The following PIAS2 variants were observed in gnomAD, a reference collection of about 807,000 sequenced individuals.
PIAS2 encodes E3 SUMO-protein ligase PIAS2.
Under a neutral mutation model 69.7 loss-of-function variants are expected in PIAS2, and 19 were observed. That is an observed-to-expected ratio of 0.27 (90% CI 0.19 to 0.40). The LOEUF is 0.40. Ranked by LOEUF, PIAS2 falls within the 10% of genes least tolerant of loss-of-function variation. The pLI, the probability that PIAS2 is intolerant of heterozygous loss-of-function variation, is 1.00. For synonymous variants in PIAS2, 261 were observed against 263.2 expected (o/e 0.99, Z 0.08); for missense variants, 624 against 757.0 (o/e 0.82, Z 2.06).
intron 12 of PIAS2, chr18:46,815,962 G>C (rs374229173): frequency 2.0e-6 from 2 of 985,154 alleles, no homozygotes; most frequent in Non-Finnish European, 2.4e-6. Flanking sequence ...TGTCCAATTC[G>C]ATTTTAGAAA....
At position 46,807,373 on chromosome 18, in the gene PIAS2, ATATATATATATTTTTTTTTTT is replaced by A. The variant is rs1199102412; in HGVS notation, c.*5039_*5059del. The A allele has an allele frequency of 3.8e-5, 1 of 26,036 alleles. No individual in the cohort carries two copies. The highest frequency in any genetic ancestry group is 7.5e-5 in the Non-Finnish European group (1 of 13,314). 1.6% of individuals were successfully genotyped at this position (26,036 alleles called of 1,614,324 possible). A position where few individuals can be genotyped will look rare whatever the true frequency, so the allele number is the denominator to read the frequency against. ...TCAGATTTTATATATATATATATAT[ATATATATATATTTTTTTTTTT>A]TTTTTTTTTTTTTTTTAGAGAGTCT... On this transcript the variant is annotated 3_prime_UTR_variant, in exon 14 of 14. Transcript: ENST00000585916.
chr18:46,919,007 A>G (rs547002273), upstream of PIAS2, among the ~76,000 whole-genome samples: 6,944 of 143,232 alleles, frequency 0.048, 185 homozygotes, highest in Non-Finnish European at 0.065. Context: ...ATATATATAT[A>G]TGTGTGTGTG....
intron 1 of PIAS2, chr18:46,905,731 C>T (rs780256738): frequency 6.6e-6 from 1 of 152,080 alleles, no homozygotes; most frequent in Non-Finnish European, 1.5e-5. Flanking sequence ...GTATGAACTA[C>T]TAAAACAGGT....
At position 46,807,381 on chromosome 18, in the gene PIAS2, ATATTTTTTTTT is replaced by A. The variant is rs1204280353; in HGVS notation, c.*5041_*5051del. On this transcript the variant is annotated 3_prime_UTR_variant, in exon 14 of 14. Transcript: ENST00000585916. ...TATATATATATATATATATATATATATATTTTTTTTTTTTTTTTTTTTTTTTTTTAGAGAGT... is the reference window on the plus strand; with the variant it reads ...TATATATATATATATATATATATATATTTTTTTTTTTTTTTTTTAGAGAGT... The A allele has an allele frequency of 0.02, 396 of 19,770 alleles. 2 individuals are homozygous for A. The highest frequency in any genetic ancestry group is 0.028 in the Non-Finnish European group (336 of 12,040). 1.2% of individuals were successfully genotyped at this position (19,770 alleles called of 1,614,324 possible).
At chr18:46,840,853 G>A (rs1333400550) in intron 8 of PIAS2, among the ~76,000 whole-genome samples, 1 of 151,978 alleles carries the variant, frequency 6.6e-6, no homozygotes, top group Non-Finnish European at 1.5e-5. Flanking sequence ...CCTATAAAAT[G>A]TTAAGCTGGC....
At chr18:46,855,197 C>T (rs2047561834) in intron 5 of PIAS2, 148 bp downstream of exon 5, 1 of 478,072 alleles carries the variant, frequency 2.1e-6, no homozygotes, top group East Asian at 3.1e-5. Flanking sequence ...ATCCAAGAAG[C>T]CATGGGTTAC....
chr18:46,890,915 A>G lies in PIAS2; in HGVS notation c.164T>C (p.Ile55Thr). 6.2e-7 allele frequency: 1 copy of G among 1,614,214 alleles called. No homozygotes were observed. The highest frequency in any genetic ancestry group is 8.5e-7 in the Non-Finnish European group (1 of 1,180,038). ...LKSGCSPAVQ[I>T]KIRELYRRRY... is the part of the protein sequence containing the mutation. ...GCGTCTATACAATTCTCGGATTTTA[A>G]TCTGAACCGCAGGGCTGCAGCCGCT... The change falls in exon 2 of 14, where the codon ATT becomes ACT. Residue 55 changes from isoleucine to threonine, a missense_variant. By Grantham distance (89) the Ile-to-Thr change is moderately conservative. Coordinates refer to ENST00000585916, the MANE Select transcript of PIAS2 (RefSeq NM_004671.5).
At chr18:46,844,449 A>G (rs2045879686) in intron 7 of PIAS2, among the ~76,000 whole-genome samples, 1 of 152,170 alleles carries the variant, frequency 6.6e-6, no homozygotes, top group South Asian at 2.1e-4. Context: ...TCCAACACAC[A>G]TTCATCACAG....
chr18:46,913,780 T>TCTC (rs2146329431), intron 1 of PIAS2, among the ~76,000 whole-genome samples: 1 of 152,316 alleles, frequency 6.6e-6, no homozygotes, highest in African/African-American at 2.4e-5. Context: ...CAACTCCTGC[T>TCTC]CTCCTCCATC....
intron 11 of PIAS2, among the ~76,000 whole-genome samples, chr18:46,821,304 T>A (rs1204524202): frequency 6.6e-6 from 1 of 152,168 alleles, no homozygotes; most frequent in African/African-American, 2.4e-5. Context: ...CAAGTTGACA[T>A]TCAAACACAA....
chr18:46,909,008 C>CA (rs1446410221), intron 1 of PIAS2, among the ~76,000 whole-genome samples: 17 of 151,698 alleles, frequency 1.1e-4, no homozygotes, highest in Non-Finnish European at 1.6e-4. Context: ...GACTCCATCT[C>CA]AAAAAATAAA....
rs181201744 is a variant in PIAS2 at position 46,886,865 on chromosome 18, C to T, written c.499+3715G>A. On this transcript the variant is annotated intron_variant, in intron 2 of 13. Coordinates refer to ENST00000585916, the MANE Select transcript of PIAS2 (RefSeq NM_004671.5). The stretch of plus-strand genomic sequence containing the variant: ...CCCTCCAAAAAAAAACAAATAAAAT[C>T]GAATAAAATAAAATACTTGCTCCTG... Among the ~76,000 whole-genome samples the T allele has an allele frequency of 4.0e-3, 601 of 151,776 alleles. 3 individuals carry two copies. Among genetic ancestry groups the T allele is most frequent in the African/African-American group, 0.014 (582 of 41,404 alleles).
chr18:46,827,922 AG>A, intron 11 of PIAS2, 36 bp downstream of exon 11: 1 of 1,566,538 alleles, frequency 6.4e-7, no homozygotes, highest in Middle Eastern at 1.7e-4. Flanking sequence ...ATTAGTTGCA[AG>A]GGTAATGAAC....
At chr18:46,829,589 T>C in intron 10 of PIAS2, 145 bp downstream of exon 10, 3 of 684,954 alleles carry the variant, frequency 4.4e-6, no homozygotes, top group Non-Finnish European at 7.4e-6. Flanking sequence ...CAGGAAAGAA[T>C]AAAAATCATT....
At chr18:46,835,112 A>C (rs1422415803) in intron 9 of PIAS2, among the ~76,000 whole-genome samples, 1 of 152,216 alleles carries the variant, frequency 6.6e-6, no homozygotes. Flanking sequence ...TTAATGTGCA[A>C]AGGGGCATGA....
chr18:46,818,155 G>T, intron 12 of PIAS2: 1 of 1,112,284 alleles, frequency 9.0e-7, no homozygotes, highest in Non-Finnish European at 1.1e-6. Context: ...TCTCATTGAT[G>T]ACAACACATT....
intron 12 of PIAS2, chr18:46,818,529 T>C: frequency 8.2e-7 from 1 of 1,225,514 alleles, no homozygotes; most frequent in Non-Finnish European, 1.1e-6. Context: ...CTCTCCATTC[T>C]TGGTGTTCTA....
intron 10 of PIAS2, 55 bp from the exon 11 acceptor site, chr18:46,828,185 T>C: frequency 1.4e-6 from 2 of 1,466,936 alleles, no homozygotes; most frequent in African/African-American, 1.4e-5. Context: ...ACAAATAAAC[T>C]CTAGTGGTAG....
At chr18:46,825,234 G>C (rs902529048) in intron 11 of PIAS2, among the ~76,000 whole-genome samples, 1 of 152,142 alleles carries the variant, frequency 6.6e-6, no homozygotes, top group Non-Finnish European at 1.5e-5. Flanking sequence ...AAGTCTAAGA[G>C]TAGGAGGGGA....
Sources: gnomAD v4.1 joint callset for allele counts (sites outside exome capture counted in the v4.1 genomes callset) on GRCh38, gnomAD v4.1.1 for gene constraint, MANE v1.5 for transcripts, NCBI Gene and HGNC (gene_info 2026-07-23, HGNC 2026-07-21) for gene names.